ZMYND8: variants seen among roughly 807,000 people sequenced by gnomAD.
ZMYND8 encodes the protein MYND-type zinc finger-containing chromatin reader ZMYND8.
Under a neutral mutation model 140.8 loss-of-function variants are expected in ZMYND8, and 37 were observed. That is an observed-to-expected ratio of 0.26 (90% confidence interval 0.20 to 0.35). The LOEUF (loss-of-function observed/expected upper bound fraction) is 0.35, where lower values mean the gene tolerates loss of function less well. ZMYND8 is among the 10% of genes least tolerant of loss of function. The probability of loss-of-function intolerance (pLI) is 1.00; values close to 1 mark genes in which losing one functional copy is unlikely to be tolerated. For synonymous variants in ZMYND8, 592 were observed against 597.1 expected (o/e 0.99, Z 0.12); for missense variants, 1,068 against 1,570.0 (o/e 0.68, Z 5.40).
chr20:47,289,836 A>C (rs746836269), intron 7 of ZMYND8, among the ~76,000 whole-genome samples: 9 of 152,238 alleles, frequency 5.9e-5, no homozygotes, highest in Non-Finnish European at 7.3e-5. Flanking sequence ...ATGTATGAGA[A>C]TCCAACAGGC....
chr20:47,336,597 C>T (rs2081402448), intron 2 of ZMYND8, among the ~76,000 whole-genome samples: 1 of 152,348 alleles, frequency 6.6e-6, no homozygotes, highest in Non-Finnish European at 1.5e-5. Flanking sequence ...GGCGCTTGTT[C>T]TGACTCACGC....
intron 2 of ZMYND8, among the ~76,000 whole-genome samples, chr20:47,328,624 C>A (rs138672110): frequency 1.9e-3 from 288 of 152,194 alleles, no homozygotes; most frequent in African/African-American, 6.3e-3. Context: ...CCACCACACC[C>A]AGCTAATTTT....
chr20:47,294,782 ACAAAGT>A lies in ZMYND8; in HGVS notation c.454-9_454-4del. 6.2e-7 allele frequency: 1 copy of A among 1,613,636 alleles called. No individual in the cohort carries two copies. Among genetic ancestry groups the A allele is most frequent in the South Asian group, 1.1e-5 (1 of 91,074 alleles). On this transcript the variant is annotated splice_polypyrimidine_tract_variant and splice_region_variant and intron_variant, in intron 4 of 22. Coordinates refer to ENST00000471951, the MANE Select transcript of ZMYND8 (RefSeq NM_001281775.3). ...ATGCATTCTGCTACTGTAATTTTCT[ACAAAGT>A]CAAAGTCATACATAAACGTCCGGTT...
chr20:47,212,498 AACG>A (rs2035429364), intron 22 of ZMYND8, 141 bp downstream of exon 22: 1 of 890,436 alleles, frequency 1.1e-6, no homozygotes, highest in Non-Finnish European at 1.8e-6. Context: ...GCGAAGAAGA[AACG>A]TTGCAAAGGA....
intron 2 of ZMYND8, among the ~76,000 whole-genome samples, chr20:47,330,127 C>A (rs1017061667): frequency 2.0e-5 from 3 of 152,092 alleles, no homozygotes; most frequent in Non-Finnish European, 4.4e-5. Context: ...ATGGTCCTCA[C>A]GAAGGTCAGT....
intron 2 of ZMYND8, among the ~76,000 whole-genome samples, chr20:47,346,524 C>T (rs1477009475): frequency 6.6e-6 from 1 of 152,184 alleles, no homozygotes; most frequent in Non-Finnish European, 1.5e-5. Context: ...CTTCTGTGAC[C>T]CCTGCCAGAG....
intron 21 of ZMYND8, 82 bp from the exon 22 acceptor site, chr20:47,212,807 C>T: frequency 1.6e-6 from 2 of 1,266,568 alleles, no homozygotes; most frequent in African/African-American, 1.5e-5. Context: ...TATTTTTGTT[C>T]ATCAACAGGC....
intron 14 of ZMYND8, among the ~76,000 whole-genome samples, chr20:47,242,805 G>A (rs1052662541): frequency 3.3e-5 from 5 of 152,148 alleles, no homozygotes; most frequent in African/African-American, 1.2e-4. Flanking sequence ...GAATCCTGAT[G>A]GTTTATGGAG....
chr20:47,299,609 G>A (rs2077869108), intron 3 of ZMYND8, among the ~76,000 whole-genome samples: 1 of 151,622 alleles, frequency 6.6e-6, no homozygotes, highest in South Asian at 2.1e-4. Flanking sequence ...CAGAGACGGA[G>A]TCTCGCTCTG....
intron 2 of ZMYND8, among the ~76,000 whole-genome samples, chr20:47,316,561 G>C (rs1288371749): frequency 6.6e-6 from 1 of 151,896 alleles, no homozygotes; most frequent in Admixed American, 6.6e-5. Context: ...GGGAGGCCGA[G>C]GCAGGCAGAT....
intron 2 of ZMYND8, among the ~76,000 whole-genome samples, chr20:47,313,911 C>A (rs571748471): frequency 4.6e-5 from 7 of 152,052 alleles, no homozygotes; most frequent in African/African-American, 1.4e-4. Flanking sequence ...CCAGCCTGGG[C>A]AACAGAGCAA....
chr20:47,217,426 C>A (rs2036288901), intron 21 of ZMYND8, among the ~76,000 whole-genome samples: 1 of 152,186 alleles, frequency 6.6e-6, no homozygotes, highest in Admixed American at 6.5e-5. Flanking sequence ...ATGAGAGATG[C>A]TAAAGACATC....
chr20:47,219,755 TC>T (rs989356239), intron 21 of ZMYND8, among the ~76,000 whole-genome samples: 1 of 152,060 alleles, frequency 6.6e-6, no homozygotes, highest in African/African-American at 2.4e-5. Context: ...CTCAGAAATT[TC>T]CCCAAACCTG....
At chr20:47,335,532 AT>A (rs2081327172) in intron 2 of ZMYND8, among the ~76,000 whole-genome samples, 1 of 152,182 alleles carries the variant, frequency 6.6e-6, no homozygotes, top group Non-Finnish European at 1.5e-5. Flanking sequence ...TAATAAGGCA[AT>A]AAAAAGTACC....
At chr20:47,316,129 G>A (rs898616285) in intron 2 of ZMYND8, among the ~76,000 whole-genome samples, 7 of 151,832 alleles carry the variant, frequency 4.6e-5, no homozygotes, top group Admixed American at 1.3e-4. Context: ...TCAGGAGTTC[G>A]AGACCAGCCT....
At chr20:47,334,131 T>C (rs1175637390) in intron 2 of ZMYND8, among the ~76,000 whole-genome samples, 1 of 152,136 alleles carries the variant, frequency 6.6e-6, no homozygotes, top group African/African-American at 2.4e-5. Context: ...TGGAATACCA[T>C]AATGAAAGTG....
rs755802431 is a variant in ZMYND8 at position 47,210,639 on chromosome 20, A to C, written c.*122T>G. Reference sequence around the variant, plus strand: ...CCCCCGCGCCGGGGGCTCAGGCTCAACTGAGGGTTTTGTCATTTTCAAGTC... The same window carrying C: ...CCCCCGCGCCGGGGGCTCAGGCTCACCTGAGGGTTTTGTCATTTTCAAGTC... On this transcript the variant is annotated 3_prime_UTR_variant, in exon 23 of 23. Coordinates refer to ENST00000471951, the MANE Select transcript of ZMYND8 (RefSeq NM_001281775.3). 1.0e-4 allele frequency: 156 copies of C among 1,561,126 alleles called. No individual in the cohort carries two copies. The highest frequency in any genetic ancestry group is 1.0e-4 in the Non-Finnish European group (114 of 1,135,338).
At chr20:47,260,130 G>C (rs974838913) in intron 12 of ZMYND8, among the ~76,000 whole-genome samples, 2 of 152,200 alleles carry the variant, frequency 1.3e-5, no homozygotes, top group East Asian at 3.8e-4. Context: ...TTTGTAGGAT[G>C]TTGGGTGGTA....
At chr20:47,276,077 G>A (rs2076238864) in intron 11 of ZMYND8, among the ~76,000 whole-genome samples, 1 of 152,148 alleles carries the variant, frequency 6.6e-6, no homozygotes, top group African/African-American at 2.4e-5. Flanking sequence ...AAGATTTCTG[G>A]CCATCTCCAT....
Sources: gnomAD v4.1 joint callset for allele counts (sites outside exome capture counted in the v4.1 genomes callset) on GRCh38, gnomAD v4.1.1 for gene constraint, MANE v1.5 for transcripts, NCBI Gene and HGNC (gene_info 2026-07-23, HGNC 2026-07-21) for gene names.